Variants in CNTN5 observed in about 807,000 individuals in gnomAD.
CNTN5 encodes contactin 5.
CNTN5 carries 77 observed loss-of-function variants against 129.1 expected under a neutral mutation model. The ratio of observed to expected loss-of-function variants is 0.60; its 90% confidence interval spans 0.50 to 0.72. The LOEUF (loss-of-function observed/expected upper bound fraction) is 0.72, where lower values mean the gene tolerates loss of function less well. CNTN5 is among the 30% of genes least tolerant of loss of function. The probability of loss-of-function intolerance (pLI) is 0.00; values close to 1 mark genes in which losing one functional copy is unlikely to be tolerated. For synonymous variants in CNTN5, 509 were observed against 465.6 expected (o/e 1.09, Z -1.20); for missense variants, 1,478 against 1,328.8 (o/e 1.11, Z -1.75).
chr11:100,182,157 A>G (rs1458106986), intron 13 of CNTN5, among the ~76,000 whole-genome samples: 1 of 152,064 alleles, frequency 6.6e-6, no homozygotes, highest in Non-Finnish European at 1.5e-5. Flanking sequence ...ACCTACATAT[A>G]TATGCCAATT....
chr11:100,271,018 T>G, intron 17 of CNTN5, 74 bp from the exon 18 acceptor site: 1 of 1,216,996 alleles, frequency 8.2e-7, no homozygotes, highest in Non-Finnish European at 1.2e-6. Context: ...GTCAGTAGCA[T>G]TAATATTCTT....
intron 1 of CNTN5, among the ~76,000 whole-genome samples, chr11:99,118,303 T>A (rs1858136102): frequency 6.6e-6 from 1 of 152,172 alleles, no homozygotes. Flanking sequence ...AATTTTAATT[T>A]TATTATACAT....
At chr11:100,203,762 C>A (rs1481192762) in intron 15 of CNTN5, among the ~76,000 whole-genome samples, 1 of 148,060 alleles carries the variant, frequency 6.8e-6, no homozygotes, top group East Asian at 2.0e-4. Context: ...TATCATACTG[C>A]CCCTCCCCAT....
intron 3 of CNTN5, among the ~76,000 whole-genome samples, chr11:99,569,907 A>C (rs1288849612): frequency 1.3e-5 from 2 of 152,076 alleles, no homozygotes; most frequent in Admixed American, 1.3e-4. Flanking sequence ...TGGAAATCCT[A>C]CTGAATTAAA....
chr11:100,030,685 A>G (rs570179218), intron 9 of CNTN5, among the ~76,000 whole-genome samples: 1 of 151,132 alleles, frequency 6.6e-6, no homozygotes, highest in South Asian at 2.1e-4. Context: ...TCATAGAGAA[A>G]TATTTTCTCT....
At chr11:99,820,380 G>C (rs1274928555) in intron 4 of CNTN5, among the ~76,000 whole-genome samples, 3 of 152,282 alleles carry the variant, frequency 2.0e-5, no homozygotes, top group African/African-American at 7.2e-5. Context: ...AAATAATAAA[G>C]AGAGCACGCA....
intron 1 of CNTN5, among the ~76,000 whole-genome samples, chr11:99,107,865 A>G (rs895168579): frequency 4.7e-5 from 7 of 148,230 alleles, no homozygotes; most frequent in Non-Finnish European, 1.0e-4. Flanking sequence ...TGGGAGGCAG[A>G]GGTTGCAGTG....
chr11:100,145,377 C>G (rs889237204), intron 13 of CNTN5, among the ~76,000 whole-genome samples: 30 of 152,030 alleles, frequency 2.0e-4, no homozygotes, highest in African/African-American at 6.8e-4. Flanking sequence ...GACCTCTAAC[C>G]CATTTGCTGC....
At chr11:99,087,107 G>A (rs1248306435) in intron 1 of CNTN5, among the ~76,000 whole-genome samples, 1 of 152,188 alleles carries the variant, frequency 6.6e-6, no homozygotes, top group Non-Finnish European at 1.5e-5. Context: ...GAAGATCAGA[G>A]AGAAATTTAG....
At chr11:99,444,982 T>G (rs1260966047) in intron 2 of CNTN5, among the ~76,000 whole-genome samples, 1 of 150,394 alleles carries the variant, frequency 6.6e-6, no homozygotes, top group African/African-American at 2.4e-5. Context: ...ATTTGCTTTA[T>G]AGTTTGTGGT....
At chr11:99,473,978 T>A (rs1945274977) in intron 2 of CNTN5, among the ~76,000 whole-genome samples, 1 of 152,084 alleles carries the variant, frequency 6.6e-6, no homozygotes, top group African/African-American at 2.4e-5. Flanking sequence ...CCAGGGCTAC[T>A]ACTTTTTACA....
chr11:99,984,084 A>C (rs1304569339), intron 8 of CNTN5, among the ~76,000 whole-genome samples: 2 of 152,110 alleles, frequency 1.3e-5, no homozygotes, highest in African/African-American at 4.8e-5. Context: ...CCCGGCCAAC[A>C]TGATGAAACC....
intron 7 of CNTN5, among the ~76,000 whole-genome samples, chr11:99,947,011 C>T (rs1950567055): frequency 8.3e-6 from 1 of 120,796 alleles, no homozygotes; most frequent in Non-Finnish European, 1.8e-5. Context: ...CATGATTCTA[C>T]ATGATTATGA....
chr11:99,438,736 T>A (rs1943698306), intron 2 of CNTN5, among the ~76,000 whole-genome samples: 2 of 152,310 alleles, frequency 1.3e-5, no homozygotes, highest in South Asian at 4.1e-4. Flanking sequence ...AGTTAACTAT[T>A]CAGTAATGTT....
At chr11:99,028,981 T>G (rs1280027030) in intron 1 of CNTN5, among the ~76,000 whole-genome samples, 1 of 151,798 alleles carries the variant, frequency 6.6e-6, no homozygotes, top group Non-Finnish European at 1.5e-5. Context: ...GATTAAAGGA[T>G]GTGGTATTTG....
intron 7 of CNTN5, among the ~76,000 whole-genome samples, chr11:99,948,808 G>T (rs566570322): frequency 1.3e-5 from 2 of 152,230 alleles, no homozygotes; most frequent in Admixed American, 1.3e-4. Context: ...ACCTTCACCC[G>T]ATGCGTGCGC....
At chr11:99,199,465 G>A (rs1047358634) in intron 1 of CNTN5, among the ~76,000 whole-genome samples, 10 of 152,136 alleles carry the variant, frequency 6.6e-5, no homozygotes, top group African/African-American at 2.4e-4. Context: ...AAATCAAAGT[G>A]CTTTAAAACA....
chr11:99,466,554 A>C (rs144099308), intron 2 of CNTN5, among the ~76,000 whole-genome samples: 1,850 of 152,234 alleles, frequency 0.012, 39 homozygotes, highest in African/African-American at 0.042. Context: ...CTTTTTATAA[A>C]TTTTTTATTA....
At chr11:99,718,768 A>G (rs1753916613) in intron 3 of CNTN5, among the ~76,000 whole-genome samples, 1 of 152,130 alleles carries the variant, frequency 6.6e-6, no homozygotes. Context: ...TAAGTGTCAC[A>G]AACACCATAT....
Sources: allele counts gnomAD v4.1 joint callset (sites outside exome capture counted in the v4.1 genomes callset), GRCh38; gene constraint gnomAD v4.1.1; transcripts MANE v1.5; gene names NCBI Gene and HGNC (gene_info 2026-07-23, HGNC 2026-07-21).